The following ATG10 variants were observed in gnomAD, a reference collection of about 807,000 sequenced individuals.
ATG10 encodes the protein ubiquitin-like-conjugating enzyme ATG10.
Under a neutral mutation model 32.1 loss-of-function variants are expected in ATG10, and 30 were observed. That is an observed-to-expected ratio of 0.94 (90% confidence interval 0.70 to 1.27). The LOEUF (loss-of-function observed/expected upper bound fraction) is 1.27. Ranked by LOEUF, ATG10 falls within the 50% of genes most tolerant of loss-of-function variation. The pLI is 0.00. For missense variants in ATG10, 233 were observed against 262.3 expected, an observed-to-expected ratio of 0.89 and a Z score of 0.77; for synonymous variants, 87 against 91.5, an observed-to-expected ratio of 0.95 and a Z score of 0.28.
intron 3 of ATG10, among the ~76,000 whole-genome samples, chr5:82,086,089 G>T (rs1229683818): frequency 6.6e-6 from 1 of 152,050 alleles, no homozygotes; most frequent in East Asian, 1.9e-4. Flanking sequence ...AGTAAAAGGT[G>T]TTTGATTGAC....
At chr5:82,058,628 T>C in intron 3 of ATG10, 26 bp downstream of exon 3, 1 of 1,465,846 alleles carries the variant, frequency 6.8e-7, no homozygotes, top group Non-Finnish European at 9.5e-7. Flanking sequence ...CATCATGTTC[T>C]TTTCAGTCTC....
intron 3 of ATG10, among the ~76,000 whole-genome samples, chr5:82,154,410 A>G (rs1386103002): frequency 1.3e-5 from 2 of 152,202 alleles, no homozygotes; most frequent in Non-Finnish European, 2.9e-5. Flanking sequence ...ATGTATGATT[A>G]ATTAGTATAC....
intron 1 of ATG10, among the ~76,000 whole-genome samples, chr5:81,982,202 A>G (rs755953911): frequency 2.0e-5 from 3 of 152,208 alleles, no homozygotes; most frequent in Non-Finnish European, 4.4e-5. Context: ...TCACGCCTAT[A>G]ATCCTAGTAC....
chr5:82,104,648 G>A (rs901986968), intron 3 of ATG10, among the ~76,000 whole-genome samples: 1 of 152,006 alleles, frequency 6.6e-6, no homozygotes, highest in East Asian at 1.9e-4. Flanking sequence ...AGAGCAGAGA[G>A]TTACAATAAT....
intron 2 of ATG10, among the ~76,000 whole-genome samples, chr5:82,035,544 T>C (rs1442546466): frequency 6.6e-6 from 1 of 152,164 alleles, no homozygotes; most frequent in African/African-American, 2.4e-5. Context: ...TGGATATTGC[T>C]GATTTCTAAA....
intron 3 of ATG10, among the ~76,000 whole-genome samples, chr5:82,061,806 A>G (rs1012396748): frequency 2.1e-5 from 3 of 142,512 alleles, no homozygotes; most frequent in African/African-American, 7.7e-5. Flanking sequence ...ATACATACAT[A>G]TACACACATA....
intron 2 of ATG10, among the ~76,000 whole-genome samples, chr5:82,033,994 A>G (rs1762829031): frequency 6.8e-6 from 1 of 148,136 alleles, no homozygotes; most frequent in Admixed American, 6.8e-5. Context: ...TGTATATAGT[A>G]TATATGTATA....
rs1438585750 is a variant in ATG10 at position 81,972,184 on chromosome 5, G to A, written c.-135G>A. 1 of 152,338 alleles carries A rather than the reference G, an allele frequency of 6.6e-6. No homozygotes were observed. The highest frequency in any genetic ancestry group is 1.5e-5 in the Non-Finnish European group (1 of 68,116). 9.4% of individuals were successfully genotyped at this position (152,338 alleles called of 1,614,324 possible). A position where few individuals can be genotyped will look rare whatever the true frequency, so the allele number is the denominator to read the frequency against. On this transcript the variant is annotated 5_prime_UTR_variant, in exon 1 of 8. Transcript: ENST00000282185. Reference sequence around the variant, plus strand: ...GCAGTCCCATCATTCAGTTCCGTAGGGTCACCGGCGCGGCAGTGGCCTCGC... The same window carrying A: ...GCAGTCCCATCATTCAGTTCCGTAGAGTCACCGGCGCGGCAGTGGCCTCGC...
At chr5:82,023,887 C>T (rs72776825) in intron 2 of ATG10, among the ~76,000 whole-genome samples, 4,055 of 152,234 alleles carry the variant, frequency 0.027, 79 homozygotes, top group Middle Eastern at 0.044. Context: ...ATTTGTAGAG[C>T]GATTGCACAA....
rs191440894 is a variant in ATG10, at chr5:82,247,553, T to C, written c.454-5009T>C. Among the ~76,000 whole-genome samples, 6 of 152,324 alleles carry C rather than the reference T, an allele frequency of 3.9e-5. No homozygotes were observed. The East Asian group carries it at 1.2e-3, about 29-fold the overall frequency. The stretch of plus-strand genomic sequence containing the variant: ...AGCCATTGTCATAATTTTTCTGTTT[T>C]AATTCTAGTTTTCTTTAATTCACTG... On this transcript the variant is annotated intron_variant, in intron 5 of 7. Transcript: ENST00000282185.
intron 2 of ATG10, among the ~76,000 whole-genome samples, chr5:82,017,497 A>G (rs577342072): frequency 6.6e-6 from 1 of 152,288 alleles, no homozygotes; most frequent in South Asian, 2.1e-4. Context: ...CTCAGGGGGA[A>G]TGCTTTCAAC....
In ATG10 at chr5:81,986,565, T is replaced by G. The variant is rs1649227839; in HGVS notation, c.-12-994T>G. 2.0e-5 allele frequency among the ~76,000 whole-genome samples: 3 copies of G among 152,170 alleles called. No individual in the cohort carries two copies. The South Asian group carries it at 6.2e-4, about 32-fold the overall frequency. On this transcript the variant is annotated intron_variant, in intron 1 of 7. Coordinates refer to ENST00000282185, the MANE Select transcript of ATG10 (RefSeq NM_031482.5). Reference sequence around the variant, plus strand: ...TGAATGAACAAACTCTTACATAGATTATACTGAATTTGAATAATCAGAAAT... The same window carrying G: ...TGAATGAACAAACTCTTACATAGATGATACTGAATTTGAATAATCAGAAAT...
rs148443840 is a variant in ATG10, at chr5:82,155,073, C to G, written c.217-9326C>G. 9.8e-4 allele frequency among the ~76,000 whole-genome samples: 149 copies of G among 152,326 alleles called. 1 individual carries two copies. In the East Asian group the frequency reaches 0.027, roughly 27 times the overall value. On this transcript the variant is annotated intron_variant, in intron 3 of 7. Transcript: ENST00000282185. ...CTTTGGCAGAGAAATTTACTCAGTT[C>G]TGAATTTGAGTGTAGAAGTTTATTC...
At chr5:82,102,263 T>G (rs1298674608) in intron 3 of ATG10, among the ~76,000 whole-genome samples, 1 of 152,158 alleles carries the variant, frequency 6.6e-6, no homozygotes, top group Non-Finnish European at 1.5e-5. Context: ...CAGAAAATAG[T>G]AAGATGTTGG....
At chr5:82,154,896 T>C (rs530185346) in intron 3 of ATG10, among the ~76,000 whole-genome samples, 117 of 152,346 alleles carry the variant, frequency 7.7e-4, no homozygotes, top group African/African-American at 2.7e-3. Flanking sequence ...GGGAAGGAAC[T>C]CATGGCTTAC....
intron 3 of ATG10, among the ~76,000 whole-genome samples, chr5:82,097,010 A>G (rs996517701): frequency 3.6e-4 from 55 of 152,304 alleles, no homozygotes; most frequent in African/African-American, 1.2e-3. Context: ...TAGTGTGTGC[A>G]TTGTGAAGCA....
intron 5 of ATG10, among the ~76,000 whole-genome samples, chr5:82,235,520 TTG>T (rs1746519633): frequency 6.6e-6 from 1 of 152,226 alleles, no homozygotes; most frequent in Non-Finnish European, 1.5e-5. Context: ...AACAAAATAA[TTG>T]TTTTTTCCAT....
intron 1 of ATG10, among the ~76,000 whole-genome samples, chr5:81,983,113 C>G (rs1761108968): frequency 6.6e-6 from 1 of 152,048 alleles, no homozygotes; most frequent in Admixed American, 6.5e-5. Context: ...GGGCTCCTCA[C>G]TTCCCAGTAG....
At chr5:81,974,267 A>G (rs1251923560) in intron 1 of ATG10, among the ~76,000 whole-genome samples, 3 of 152,332 alleles carry the variant, frequency 2.0e-5, no homozygotes, top group Admixed American at 1.3e-4. Flanking sequence ...AAATGTTTTC[A>G]GGGGACAAGC....
Sources: allele counts gnomAD v4.1 joint callset (sites outside exome capture counted in the v4.1 genomes callset), GRCh38; gene constraint gnomAD v4.1.1; transcripts MANE v1.5; gene names NCBI Gene and HGNC (gene_info 2026-07-23, HGNC 2026-07-21).